The following ELF2 variants were observed in gnomAD, a reference collection of about 807,000 sequenced individuals.
ELF2 encodes the protein ETS-related transcription factor Elf-2.
ELF2 carries 11 observed loss-of-function variants against 54.8 expected under a neutral mutation model. The observed-to-expected ratio is 0.20, with a 90% CI of 0.13 to 0.33. The LOEUF (loss-of-function observed/expected upper bound fraction) is 0.33, where lower values mean the gene tolerates loss of function less well. ELF2 is among the 10% of genes least tolerant of loss of function. The pLI is 1.00. For missense variants in ELF2, 513 were observed against 703.0 expected (o/e 0.73, Z 3.06); for synonymous variants, 203 against 245.1 (o/e 0.83, Z 1.61).
In ELF2 at chr4:139,059,330, T is replaced by A. The variant is rs1727471426; in HGVS notation, c.1435A>T (p.Thr479Ser). 2.5e-6 allele frequency: 4 copies of A among 1,613,938 alleles called. No individual in the cohort carries two copies. The highest frequency in any genetic ancestry group is 3.4e-6 in the Non-Finnish European group (4 of 1,179,860). The change falls in exon 10 of 10, where the codon ACT (threonine) becomes TCT (serine). Residue 479 changes from threonine to serine, a missense_variant. Around this residue, in one of 3 missense-constraint regions of ELF2, gnomAD observed 291 missense variants for 366.1 expected, o/e 0.79. Transcript: ENST00000686138. ...ACAATGTTAATGCTTCCTGATCCAG[T>A]CAGATTTGACTTTGTCTGCAGTTGA... Reference protein sequence around the residue: ...QCQLQTKSNLTGSGSINIVGT... With the variant: ...QCQLQTKSNLSGSGSINIVGT...
chr4:139,107,592 A>G (rs140898951), intron 4 of ELF2, among the ~76,000 whole-genome samples: 1 of 152,206 alleles, frequency 6.6e-6, no homozygotes, highest in Non-Finnish European at 1.5e-5. Flanking sequence ...ACTATAGTTA[A>G]AAGAGACAGA....
At chr4:139,115,434 C>G (rs1327548156) in intron 4 of ELF2, 2 of 984,260 alleles carry the variant, frequency 2.0e-6, no homozygotes, top group African/African-American at 3.5e-5. Context: ...GCCTCCGGGA[C>G]GCCCCCGGCT....
At chr4:139,130,542 T>C (rs748511230) in intron 3 of ELF2, among the ~76,000 whole-genome samples, 1 of 152,230 alleles carries the variant, frequency 6.6e-6, no homozygotes, top group African/African-American at 2.4e-5. Flanking sequence ...CAGGGAATCT[T>C]CTATAATCCT....
chr4:139,117,438 A>T (rs1204404599), intron 4 of ELF2, among the ~76,000 whole-genome samples: 1 of 152,204 alleles, frequency 6.6e-6, no homozygotes, highest in Admixed American at 6.5e-5. Context: ...TCAGGCCTGT[A>T]ATCCCAGCAC....
intron 4 of ELF2, among the ~76,000 whole-genome samples, chr4:139,092,414 T>TAACAAACACAACATAACATAACATA (rs70940488): frequency 1.1e-5 from 1 of 87,762 alleles, no homozygotes. Context: ...TAACATAACA[T>TAACAAACACAACATAACATAACATA]ACATAACATA....
At chr4:139,137,393 C>T in intron 3 of ELF2, 1 of 567,536 alleles carries the variant, frequency 1.8e-6, no homozygotes, top group African/African-American at 1.9e-5. Flanking sequence ...TCTTTCCATT[C>T]CTTTCCTCCC....
rs1337465872 is a variant in ELF2 at position 139,169,835 on chromosome 4, C to T, written c.-252+7132G>A. Among the ~76,000 whole-genome samples, 12 of 141,016 alleles carry T rather than the reference C, an allele frequency of 8.5e-5. No homozygotes were observed. The East Asian group carries it at 1.4e-3, about 17-fold the overall frequency. 92.5% of individuals were successfully genotyped at this position (141,016 alleles called of 152,430 possible). ...TCTCGCCACTGCACTCCAGCCTGCG[C>T]GACAGAGCGAGACTCTTGTCTTAAA... On this transcript the variant is annotated intron_variant, in intron 1 of 9. Transcript: ENST00000686138.
chr4:139,115,633 A>G (rs1260401943), intron 4 of ELF2, among the ~76,000 whole-genome samples: 2 of 152,030 alleles, frequency 1.3e-5, no homozygotes, highest in African/African-American at 4.8e-5. Context: ...TTCAGGAAAG[A>G]TTCATAATTG....
chr4:139,062,869 A>C (rs184937080), intron 7 of ELF2, among the ~76,000 whole-genome samples: 3 of 152,314 alleles, frequency 2.0e-5, no homozygotes, highest in Admixed American at 2.0e-4. Context: ...TCTGAGGTAT[A>C]TGTATTATTA....
At chr4:139,147,126 G>A (rs1350078728) in intron 1 of ELF2, among the ~76,000 whole-genome samples, 5 of 152,152 alleles carry the variant, frequency 3.3e-5, no homozygotes, top group East Asian at 1.9e-4. Flanking sequence ...GAAAATATTC[G>A]CCAACTATGC....
At chr4:139,096,588 G>A (rs1253090516) in intron 4 of ELF2, among the ~76,000 whole-genome samples, 1 of 151,224 alleles carries the variant, frequency 6.6e-6, no homozygotes, top group Non-Finnish European at 1.5e-5. Flanking sequence ...CAGCTTCCTG[G>A]GTGGCTGAGA....
chr4:139,169,560 T>C (rs1223051488), intron 1 of ELF2, among the ~76,000 whole-genome samples: 1 of 151,918 alleles, frequency 6.6e-6, no homozygotes, highest in African/African-American at 2.4e-5. Flanking sequence ...TCATTTTTCC[T>C]TTAAAAATCT....
chr4:139,100,592 T>C (rs931038287), intron 4 of ELF2: 24 of 152,198 alleles, frequency 1.6e-4, no homozygotes, highest in Non-Finnish European at 3.1e-4. Flanking sequence ...TCCTGATGAG[T>C]AGTGGGACTG....
intron 4 of ELF2, among the ~76,000 whole-genome samples, chr4:139,082,607 A>G (rs1208877386): frequency 1.7e-4 from 26 of 152,196 alleles, no homozygotes; most frequent in Non-Finnish European, 2.9e-5. Context: ...ATTTTGATAC[A>G]TGTGTTCATG....
At chr4:139,106,740 C>CTTTTT (rs35312494) in intron 4 of ELF2, among the ~76,000 whole-genome samples, 11 of 93,716 alleles carry the variant, frequency 1.2e-4, no homozygotes, top group East Asian at 5.9e-4. Context: ...AACTATATTT[C>CTTTTT]TTTTTTTTTT....
Position 139,169,937 on chromosome 4 carries a change from A to G in ELF2, c.-252+7030T>C, listed in dbSNP as rs192845110. 2.9e-3 allele frequency among the ~76,000 whole-genome samples: 440 copies of G among 151,422 alleles called. 1 individual carries two copies. The highest frequency in any genetic ancestry group is 4.5e-3 in the Admixed American group (68 of 15,192). On this transcript the variant is annotated intron_variant, in intron 1 of 9. Transcript: ENST00000686138. ...AGTTTACTACGGTATGCATATTCCC[A>G]TTATAATGCCCATTCCTGAATAAAT...
intron 4 of ELF2, among the ~76,000 whole-genome samples, chr4:139,078,837 T>A (rs1488317028): frequency 1.3e-5 from 2 of 152,202 alleles, no homozygotes; most frequent in East Asian, 3.8e-4. Context: ...TATCTGTATT[T>A]ATCATATTTG....
intron 3 of ELF2, 171 bp downstream of exon 3, chr4:139,137,459 C>T: frequency 1.5e-6 from 1 of 654,792 alleles, no homozygotes; most frequent in Non-Finnish European, 2.6e-6. Flanking sequence ...CCCTGCAATA[C>T]CTTCCTTGAC....
At chr4:139,129,417 A>T (rs1433117897) in intron 3 of ELF2, among the ~76,000 whole-genome samples, 1 of 152,162 alleles carries the variant, frequency 6.6e-6, no homozygotes, top group Non-Finnish European at 1.5e-5. Context: ...ATAATGACTA[A>T]GTATTTGTCC....
Sources: allele counts gnomAD v4.1 joint callset (sites outside exome capture counted in the v4.1 genomes callset), GRCh38; gene constraint gnomAD v4.1.1; regional missense constraint gnomAD v4.1.1; transcripts MANE v1.5; gene names NCBI Gene and HGNC (gene_info 2026-07-23, HGNC 2026-07-21).